Variants in NRG3 observed in about 807,000 individuals in gnomAD.
The protein encoded by NRG3 is neuregulin 3.
A neutral mutation model predicts 66.9 loss-of-function variants in NRG3; 31 were observed. The observed-to-expected ratio is 0.46, with a 90% confidence interval of 0.35 to 0.63. NRG3 has a LOEUF of 0.63. Ranked by LOEUF, NRG3 falls within the 20% of genes least tolerant of loss-of-function variation. The pLI is 0.00. For missense variants in NRG3, 910 were observed against 878.9 expected (o/e 1.04, Z -0.45); for synonymous variants, 393 against 359.4 (o/e 1.09, Z -1.06).
At chr10:82,062,834 A>G (rs1279563630) in intron 1 of NRG3, among the ~76,000 whole-genome samples, 1 of 152,104 alleles carries the variant, frequency 6.6e-6, no homozygotes, top group Non-Finnish European at 1.5e-5. Context: ...TAGGAAAATG[A>G]CTGGTCTTTT....
chr10:82,886,793 G>C (rs952840880), intron 4 of NRG3, among the ~76,000 whole-genome samples: 1 of 152,130 alleles, frequency 6.6e-6, no homozygotes, highest in Non-Finnish European at 1.5e-5. Flanking sequence ...TCTGCTACTA[G>C]GCATAGTCTT....
At chr10:82,581,911 C>T (rs986618987) in intron 2 of NRG3, among the ~76,000 whole-genome samples, 2 of 147,066 alleles carry the variant, frequency 1.4e-5, no homozygotes, top group Admixed American at 7.0e-5. Flanking sequence ...ATGTAAGGTC[C>T]GTGTTTAGAT....
rs75003886 is a variant in NRG3, at chr10:82,243,544, G to A, written c.824-115195G>A. Among the ~76,000 whole-genome samples, 698 of 152,052 alleles carry A rather than the reference G, an allele frequency of 4.6e-3. 2 individuals carry two copies. The highest frequency in any genetic ancestry group is 0.015 in the African/African-American group (630 of 41,484). ...AGAAATAAAAATTAAGTCAAATCCC[G>A]GTGATTAGTACTCAAAATGACTTTA... On this transcript the variant is annotated intron_variant, in intron 1 of 8. Coordinates refer to ENST00000372141, the MANE Select transcript of NRG3 (RefSeq NM_001010848.4).
chr10:81,883,865 T>C (rs1023262039), intron 1 of NRG3, among the ~76,000 whole-genome samples: 4 of 152,164 alleles, frequency 2.6e-5, no homozygotes, highest in African/African-American at 4.8e-5. Flanking sequence ...GTAGAAGGAT[T>C]AGTCACAGAT....
At chr10:81,996,890 G>A (rs1005068545) in intron 1 of NRG3, among the ~76,000 whole-genome samples, 4 of 151,868 alleles carry the variant, frequency 2.6e-5, no homozygotes, top group Non-Finnish European at 4.4e-5. Flanking sequence ...CTAATTATGG[G>A]TACCTCTAAA....
At chr10:82,768,471 A>G (rs2059599253) in intron 3 of NRG3, among the ~76,000 whole-genome samples, 1 of 152,082 alleles carries the variant, frequency 6.6e-6, no homozygotes, top group South Asian at 2.1e-4. Context: ...CCATGAAGGA[A>G]AGAAAATAGA....
intron 1 of NRG3, among the ~76,000 whole-genome samples, chr10:82,285,734 T>C (rs1251760527): frequency 1.3e-5 from 2 of 152,146 alleles, no homozygotes; most frequent in Non-Finnish European, 2.9e-5. Flanking sequence ...AAGAGCATGC[T>C]TTCTGTTCAA....
At chr10:82,447,745 GT>G (rs1434743044) in intron 2 of NRG3, among the ~76,000 whole-genome samples, 1 of 152,214 alleles carries the variant, frequency 6.6e-6, no homozygotes, top group Admixed American at 6.5e-5. Context: ...CTTTGGAGGT[GT>G]TCAGAAACTG....
rs140423505 is a variant in NRG3, at chr10:81,969,381, T to C, written c.823+93218T>C. On this transcript the variant is annotated intron_variant, in intron 1 of 8. Transcript: ENST00000372141. Reference sequence around the variant, plus strand: ...AATGTCTTGTTCCCCCTAAAATCAATAGGTCCCCTGTGCCTTCCGGCACAC... The same window carrying C: ...AATGTCTTGTTCCCCCTAAAATCAACAGGTCCCCTGTGCCTTCCGGCACAC... Among the ~76,000 whole-genome samples the C allele has an allele frequency of 2.2e-3, 330 of 152,242 alleles. 1 individual carries two copies. Among genetic ancestry groups the C allele is most frequent in the Middle Eastern group, 0.01 (3 of 294 alleles).
intron 1 of NRG3, among the ~76,000 whole-genome samples, chr10:82,096,965 A>G (rs1020906890): frequency 6.6e-6 from 1 of 152,198 alleles, no homozygotes; most frequent in Non-Finnish European, 1.5e-5. Flanking sequence ...ATTTACATAC[A>G]GTAAAATTCC....
At chr10:82,101,893 T>C (rs2066742808) in intron 1 of NRG3, among the ~76,000 whole-genome samples, 2 of 150,012 alleles carry the variant, frequency 1.3e-5, no homozygotes, top group South Asian at 2.1e-4. Flanking sequence ...GTTGTATGGA[T>C]TAATGAGAGA....
chr10:82,751,564 A>G (rs1027127097), intron 3 of NRG3, among the ~76,000 whole-genome samples: 3 of 152,178 alleles, frequency 2.0e-5, no homozygotes, highest in Admixed American at 1.3e-4. Flanking sequence ...ATTCAGCTAC[A>G]AGTAACATTT....
chr10:82,013,331 C>T (rs909449828), intron 1 of NRG3, among the ~76,000 whole-genome samples: 5 of 152,112 alleles, frequency 3.3e-5, no homozygotes, highest in Admixed American at 6.6e-5. Flanking sequence ...ATCTCCACCT[C>T]GCCTTGCCCT....
chr10:82,443,932 C>T (rs1010135098), intron 2 of NRG3, among the ~76,000 whole-genome samples: 2 of 152,190 alleles, frequency 1.3e-5, no homozygotes, highest in African/African-American at 4.8e-5. Context: ...ATAGGGAACA[C>T]AGCCGTTATC....
intron 2 of NRG3, among the ~76,000 whole-genome samples, chr10:82,378,446 A>G (rs907277846): frequency 6.6e-6 from 1 of 152,190 alleles, no homozygotes; most frequent in Non-Finnish European, 1.5e-5. Flanking sequence ...CAAGTTGTAG[A>G]TTTAAGCCTG....
At chr10:82,924,420 G>T (rs1056523056) in intron 4 of NRG3, among the ~76,000 whole-genome samples, 1 of 152,038 alleles carries the variant, frequency 6.6e-6, no homozygotes, top group Non-Finnish European at 1.5e-5. Flanking sequence ...CAGTTTGTGC[G>T]GTGGTAATGA....
In NRG3 at chr10:81,959,968, A is replaced by G. The variant is rs567282956; in HGVS notation, c.823+83805A>G. On this transcript the variant is annotated intron_variant, in intron 1 of 8. Coordinates refer to ENST00000372141, the MANE Select transcript of NRG3 (RefSeq NM_001010848.4). ...ACTTTTCTCACTAATTTGGAATTCT[A>G]ATTTTCATATACTAAATTAATATGC... Among the ~76,000 whole-genome samples, 8 of 151,994 alleles carry G rather than the reference A, an allele frequency of 5.3e-5. No homozygotes were observed. The East Asian group carries it at 7.7e-4, about 15-fold the overall frequency.
chr10:82,060,034 G>A (rs767918725), intron 1 of NRG3, among the ~76,000 whole-genome samples: 1 of 152,170 alleles, frequency 6.6e-6, no homozygotes, highest in African/African-American at 2.4e-5. Flanking sequence ...AAAAATGGGT[G>A]TAATAATAAA....
At chr10:82,396,570 C>A (rs989271235) in intron 2 of NRG3, among the ~76,000 whole-genome samples, 4 of 152,178 alleles carry the variant, frequency 2.6e-5, no homozygotes, top group African/African-American at 4.8e-5. Flanking sequence ...AGCAACCAAT[C>A]GCTGACTGAC....
Sources: gnomAD v4.1 joint callset for allele counts (sites outside exome capture counted in the v4.1 genomes callset) on GRCh38, gnomAD v4.1.1 for gene constraint, MANE v1.5 for transcripts, NCBI Gene and HGNC (gene_info 2026-07-23, HGNC 2026-07-21) for gene names.